The following SNRPN variants were observed in gnomAD, a reference collection of about 807,000 sequenced individuals.
SNRPN encodes small nuclear ribonucleoprotein polypeptide N.
A neutral mutation model predicts 25.2 loss-of-function variants in SNRPN; 7 were observed. That is an observed-to-expected ratio of 0.28 (90% CI 0.16 to 0.52). The LOEUF (loss-of-function observed/expected upper bound fraction) is 0.52. Ranked by LOEUF, SNRPN falls within the 20% of genes least tolerant of loss-of-function variation. The pLI, the probability that SNRPN is intolerant of heterozygous loss-of-function variation, is 0.96. For synonymous variants in SNRPN, 124 were observed against 110.6 expected, an observed-to-expected ratio of 1.12 and a Z score of -0.76; for missense variants, 196 against 322.5, an observed-to-expected ratio of 0.61 and a Z score of 3.00.
At chr15:24,930,111 T>A (rs2060705440) in intron 3 of SNRPN, among the ~76,000 whole-genome samples, 1 of 150,726 alleles carries the variant, frequency 6.6e-6, no homozygotes, top group Non-Finnish European at 1.5e-5. Context: ...GCCACTGCAC[T>A]CCAGCCTGGG....
At chr15:24,899,949 T>G (rs2058343541) in intron 2 of SNRPN, among the ~76,000 whole-genome samples, 2 of 152,200 alleles carry the variant, frequency 1.3e-5, no homozygotes, top group African/African-American at 4.8e-5. Flanking sequence ...GGAGGTTGTG[T>G]TGGTCATTCC....
chr15:24,971,991 C>T (rs1268139662), intron 3 of SNRPN, among the ~76,000 whole-genome samples: 1 of 152,178 alleles, frequency 6.6e-6, no homozygotes, highest in Non-Finnish European at 1.5e-5. Flanking sequence ...CGCAGTGGCT[C>T]ATGCCTGTAA....
At chr15:24,829,148 C>T (rs1197494553) in intron 1 of SNRPN, among the ~76,000 whole-genome samples, 1 of 152,108 alleles carries the variant, frequency 6.6e-6, no homozygotes, top group Non-Finnish European at 1.5e-5. Context: ...TCTTTGTTCA[C>T]TATATGTGTG....
intron 2 of SNRPN, among the ~76,000 whole-genome samples, chr15:24,910,649 C>A (rs1373616582): frequency 3.3e-5 from 5 of 152,080 alleles, no homozygotes; most frequent in African/African-American, 4.8e-5. Flanking sequence ...CGCCCGCCAC[C>A]ACACCCGGCT....
Position 24,861,790 on chromosome 15 carries a change from C to T in SNRPN, c.-579+5074C>T, listed in dbSNP as rs538517214. Among the ~76,000 whole-genome samples the T allele has an allele frequency of 1.6e-3, 246 of 152,152 alleles. 1 individual carries two copies. Among genetic ancestry groups the T allele is most frequent in the Middle Eastern group, 3.4e-3 (1 of 294 alleles). On this transcript the variant is annotated intron_variant, in intron 1 of 11. Coordinates refer to the SNRPN transcript ENST00000400097. ...TTTAATATTTATTTTAAAAGCCCTT[C>T]CATAGTTATAAAAGCATAAGTTTTA...
intron 1 of SNRPN, among the ~76,000 whole-genome samples, chr15:24,826,419 C>T (rs901468433): frequency 3.4e-4 from 52 of 152,140 alleles, no homozygotes; most frequent in African/African-American, 1.2e-3. Context: ...CCTCAGGTAT[C>T]ACTGTGCTCA....
At chr15:24,910,990 C>A in intron 2 of SNRPN, 2 of 1,158,762 alleles carry the variant, frequency 1.7e-6, no homozygotes, top group South Asian at 1.3e-5. Flanking sequence ...TGGCTAAAGA[C>A]CGTGGTGATT....
intron 3 of SNRPN, among the ~76,000 whole-genome samples, chr15:24,944,403 T>C (rs2061753963): frequency 6.6e-6 from 1 of 152,198 alleles, no homozygotes; most frequent in Admixed American, 6.5e-5. Context: ...TTGCCTTTTA[T>C]ACTTATTTAA....
intron 1 of SNRPN, among the ~76,000 whole-genome samples, chr15:24,882,417 G>C (rs1422698607): frequency 6.6e-6 from 1 of 152,076 alleles, no homozygotes; most frequent in Non-Finnish European, 1.5e-5. Context: ...CAAAAATTTT[G>C]ACAATGAATA....
At chr15:24,848,216 G>GGGCGGGGGCGGC (rs1470826843) in intron 2 of SNRPN, 7 of 137,040 alleles carry the variant, frequency 5.1e-5, no homozygotes, top group East Asian at 2.4e-4. Flanking sequence ...CGGAGCTGGG[G>GGGCGGGGGCGGC]GGCGGGGGCG....
intron 1 of SNRPN, among the ~76,000 whole-genome samples, chr15:24,868,140 C>T (rs1306315563): frequency 2.2e-5 from 3 of 134,490 alleles, no homozygotes; most frequent in South Asian, 5.6e-4. Context: ...TATATATACA[C>T]ACACACATAT....
intron 2 of SNRPN, among the ~76,000 whole-genome samples, chr15:24,963,868 C>T (rs1415762415): frequency 1.3e-5 from 2 of 151,852 alleles, no homozygotes; most frequent in South Asian, 2.1e-4. Context: ...GACCTCCTCT[C>T]TACAGAAAAA....
intron 4 of SNRPN, chr15:24,974,962 G>T: frequency 1.4e-6 from 1 of 703,012 alleles, no homozygotes; most frequent in Middle Eastern, 2.3e-4. Context: ...TCTCAGGTCA[G>T]ATTACAATAG....
At chr15:24,889,035 A>G (rs568331403) in intron 2 of SNRPN, among the ~76,000 whole-genome samples, 13 of 152,110 alleles carry the variant, frequency 8.5e-5, no homozygotes, top group African/African-American at 2.9e-4. Flanking sequence ...CTCTTGCCTC[A>G]GCCTCCCGAG....
At chr15:24,974,984 GC>G (rs1173611680) in intron 4 of SNRPN, 1 of 702,926 alleles carries the variant, frequency 1.4e-6, no homozygotes, top group African/African-American at 1.7e-5. Flanking sequence ...AATAAAGAGG[GC>G]TTTGAAAATG....
At chr15:24,942,861 A>G (rs1483678065) in intron 3 of SNRPN, among the ~76,000 whole-genome samples, 2 of 152,166 alleles carry the variant, frequency 1.3e-5, no homozygotes, top group Non-Finnish European at 2.9e-5. Context: ...GGCCAAACCC[A>G]TGCGTAACCT....
At chr15:24,884,695 T>C (rs1465764973) in intron 1 of SNRPN, among the ~76,000 whole-genome samples, 1 of 152,206 alleles carries the variant, frequency 6.6e-6, no homozygotes, top group Non-Finnish European at 1.5e-5. Flanking sequence ...TTCCATTTAC[T>C]ATTATACTTT....
intron 3 of SNRPN, among the ~76,000 whole-genome samples, chr15:24,943,847 G>A (rs2061714773): frequency 6.6e-6 from 1 of 151,738 alleles, no homozygotes; most frequent in Non-Finnish European, 1.5e-5. Context: ...TTCGAGACAG[G>A]GTCTCGCCCT....
intron 5 of SNRPN, among the ~76,000 whole-genome samples, 181 bp from the exon 6 acceptor site, chr15:24,976,124 C>T (rs1316758821): frequency 6.6e-6 from 1 of 152,150 alleles, no homozygotes; most frequent in African/African-American, 2.4e-5. Flanking sequence ...TAGAAAATAG[C>T]TTCACTATTT....
Sources: gnomAD v4.1 joint callset for allele counts (sites outside exome capture counted in the v4.1 genomes callset) on GRCh38, gnomAD v4.1.1 for gene constraint, MANE v1.5 for transcripts, NCBI Gene and HGNC (gene_info 2026-07-23, HGNC 2026-07-21) for gene names.